RGS7: variants seen among roughly 807,000 people sequenced by gnomAD.
RGS7 encodes regulator of G protein signaling 7, also known as regulator of G-protein signaling 7.
RGS7 carries 27 observed loss-of-function variants against 81.1 expected under a neutral mutation model. That is an observed-to-expected ratio of 0.33 (90% CI 0.25 to 0.46). The LOEUF (loss-of-function observed/expected upper bound fraction) is 0.46. Among genes scored for constraint, RGS7 ranks in the 20% least tolerant of loss-of-function variants. RGS7 has a pLI of 1.00. For synonymous variants in RGS7, 208 were observed against 207.7 expected (o/e 1.00, Z -0.01); for missense variants, 396 against 607.4 (o/e 0.65, Z 3.66).
intron 14 of RGS7, 94 bp from the exon 15 acceptor site, chr1:240,806,420 T>C: frequency 1.7e-6 from 2 of 1,207,330 alleles, no homozygotes; most frequent in East Asian, 4.7e-5. Context: ...TCATGACGAC[T>C]CACAGCCAGC....
At chr1:241,145,619 C>G (rs1352935735) in intron 2 of RGS7, among the ~76,000 whole-genome samples, 2 of 152,162 alleles carry the variant, frequency 1.3e-5, no homozygotes, top group Admixed American at 1.3e-4. Flanking sequence ...GTGGCACATG[C>G]CTGCAATCCC....
intron 3 of RGS7, among the ~76,000 whole-genome samples, chr1:241,081,601 T>C (rs779608738): frequency 6.6e-6 from 1 of 152,238 alleles, no homozygotes; most frequent in Non-Finnish European, 1.5e-5. Flanking sequence ...CAATATTTCT[T>C]CATAGACTCT....
intron 2 of RGS7, among the ~76,000 whole-genome samples, chr1:241,223,696 T>A (rs1265061223): frequency 6.9e-6 from 1 of 144,520 alleles, no homozygotes; most frequent in Non-Finnish European, 1.5e-5. Flanking sequence ...ATCAGGATCA[T>A]AAATTAGACA....
chr1:241,112,419 T>C (rs2065583301), intron 2 of RGS7, among the ~76,000 whole-genome samples: 1 of 152,084 alleles, frequency 6.6e-6, no homozygotes, highest in Admixed American at 6.5e-5. Context: ...AACAATACCA[T>C]GTTTCTAACT....
At chr1:241,165,620 G>A (rs898492900) in intron 2 of RGS7, among the ~76,000 whole-genome samples, 1 of 143,750 alleles carries the variant, frequency 7.0e-6, no homozygotes, top group Non-Finnish European at 1.5e-5. Context: ...TCACACTCTG[G>A]CGATTGTTGT....
chr1:241,034,548 G>A (rs2060238138), intron 3 of RGS7, among the ~76,000 whole-genome samples: 1 of 152,184 alleles, frequency 6.6e-6, no homozygotes, highest in Non-Finnish European at 1.5e-5. Context: ...TGATGACAAA[G>A]AGTCATGAGA....
At chr1:240,804,461 C>CAA (rs547221973) in intron 15 of RGS7, among the ~76,000 whole-genome samples, 6,444 of 150,846 alleles carry the variant, frequency 0.043, 142 homozygotes, top group East Asian at 0.1. Flanking sequence ...TTAAAAACCA[C>CAA]AAAAAAAACT....
intron 2 of RGS7, among the ~76,000 whole-genome samples, chr1:241,229,843 T>G (rs2075549679): frequency 6.6e-6 from 1 of 152,184 alleles, no homozygotes; most frequent in Non-Finnish European, 1.5e-5. Flanking sequence ...AACTTATCTA[T>G]GAAGATAAAG....
At chr1:241,076,551 G>C (rs955386273) in intron 3 of RGS7, among the ~76,000 whole-genome samples, 1 of 152,122 alleles carries the variant, frequency 6.6e-6, no homozygotes, top group Non-Finnish European at 1.5e-5. Context: ...TAAATTCCCA[G>C]TGATATTAAT....
intron 3 of RGS7, among the ~76,000 whole-genome samples, chr1:241,019,699 A>G (rs1572297495): frequency 6.6e-6 from 1 of 152,166 alleles, no homozygotes. Context: ...TCCTTGTTTT[A>G]TGGCTGCATA....
chr1:240,840,380 T>C (rs1371379084), intron 9 of RGS7, among the ~76,000 whole-genome samples: 1 of 152,060 alleles, frequency 6.6e-6, no homozygotes, highest in African/African-American at 2.4e-5. Flanking sequence ...TTCAAGCGAT[T>C]CTCCTGCCTC....
At chr1:240,984,846 C>T (rs990200201) in intron 3 of RGS7, among the ~76,000 whole-genome samples, 3 of 152,154 alleles carry the variant, frequency 2.0e-5, no homozygotes, top group Non-Finnish European at 4.4e-5. Context: ...GATTACTAAA[C>T]TTGACAATAA....
At chr1:241,160,126 AAAAAGAAAAAG>A (rs2069520023) in intron 2 of RGS7, among the ~76,000 whole-genome samples, 1 of 120,088 alleles carries the variant, frequency 8.3e-6, no homozygotes, top group Non-Finnish European at 1.9e-5. Context: ...AAAAAAAAAA[AAAAAGAAAAAG>A]AAAAAGAAAA....
intron 3 of RGS7, among the ~76,000 whole-genome samples, chr1:241,007,775 G>A (rs113612857): frequency 3.9e-5 from 6 of 152,322 alleles, no homozygotes; most frequent in Admixed American, 2.6e-4. Context: ...GAGAGAGGCT[G>A]CTGGCAAGGA....
chr1:241,128,276 C>CAAAAAA (rs58934562), intron 2 of RGS7, among the ~76,000 whole-genome samples: 2 of 115,238 alleles, frequency 1.7e-5, no homozygotes, highest in African/African-American at 6.1e-5. Context: ...GACTCCGTCT[C>CAAAAAA]AAAAAAAAAA....
chr1:241,140,588 G>A (rs756150946), intron 2 of RGS7, among the ~76,000 whole-genome samples: 1 of 151,984 alleles, frequency 6.6e-6, no homozygotes, highest in African/African-American at 2.4e-5. Context: ...ATTTTTTGTG[G>A]AGACAGGGTC....
chr1:241,346,564 A>T (rs1255570097), intron 2 of RGS7, among the ~76,000 whole-genome samples: 2 of 152,296 alleles, frequency 1.3e-5, no homozygotes, highest in East Asian at 3.9e-4. Flanking sequence ...ATTCGAGGAC[A>T]CCTATTTTGT....
chr1:241,328,253 C>T (rs2081739511), intron 2 of RGS7, among the ~76,000 whole-genome samples: 1 of 152,218 alleles, frequency 6.6e-6, no homozygotes, highest in Non-Finnish European at 1.5e-5. Flanking sequence ...GGCTTTGCCA[C>T]TGGCTAGTAA....
intron 10 of RGS7, among the ~76,000 whole-genome samples, chr1:240,825,734 A>G (rs1692687396): frequency 6.6e-6 from 1 of 152,202 alleles, no homozygotes; most frequent in Non-Finnish European, 1.5e-5. Context: ...ACGACATTGT[A>G]AACTAATGCT....
Sources: gnomAD v4.1 joint callset for allele counts (sites outside exome capture counted in the v4.1 genomes callset) on GRCh38, gnomAD v4.1.1 for gene constraint, MANE v1.5 for transcripts, NCBI Gene and HGNC (gene_info 2026-07-23, HGNC 2026-07-21) for gene names.